Variants in RPGRIP1L observed in about 807,000 individuals in gnomAD.
The protein encoded by RPGRIP1L is protein fantom.
RPGRIP1L carries 131 observed loss-of-function variants against 160.4 expected under a neutral mutation model. That is an observed-to-expected ratio of 0.82 (90% CI 0.71 to 0.94). The LOEUF is 0.94. RPGRIP1L is among the 40% of genes least tolerant of loss of function. The pLI is 0.00. For missense variants in RPGRIP1L, 1,522 were observed against 1,535.8 expected (o/e 0.99, Z 0.15); for synonymous variants, 510 against 515.8 (o/e 0.99, Z 0.15).
intron 14 of RPGRIP1L, 146 bp from the exon 15 acceptor site, chr16:53,653,133 C>G: frequency 3.5e-6 from 3 of 866,692 alleles, no homozygotes; most frequent in Non-Finnish European, 5.2e-6. Context: ...GTAAATAATA[C>G]TTTATCGTAC....
Position 53,619,178 on chromosome 16 carries a change from C to A in RPGRIP1L, c.3463G>T (p.Ala1155Ser), listed in dbSNP as rs1431057757. Residue 1155 changes from alanine to serine, a missense_variant, in exon 24 of 27, where the codon GCT becomes TCT. By Grantham distance (99) the Ala-to-Ser change is moderately conservative. Coordinates refer to ENST00000647211, the MANE Select transcript of RPGRIP1L (RefSeq NM_015272.5). ...PSEKIRIEII[A>S]LSLNDSQVTM... ...ACTTGAGAATCATTAAGGCTTAGAG[C>A]TATGATCTCAATCCGAATTTTTTCT... The A allele has an allele frequency of 6.2e-7, 1 of 1,613,506 alleles. No homozygotes were observed. Among genetic ancestry groups the A allele is most frequent in the Non-Finnish European group, 8.5e-7 (1 of 1,180,018 alleles).
At chr16:53,667,039 A>C (rs1338231670) in intron 9 of RPGRIP1L, among the ~76,000 whole-genome samples, 3 of 152,180 alleles carry the variant, frequency 2.0e-5, no homozygotes, top group African/African-American at 7.2e-5. Flanking sequence ...TTTTCTTTGT[A>C]AGGGCTGTAC....
At chr16:53,637,603 C>T (rs1448633308) in intron 21 of RPGRIP1L, 92 bp downstream of exon 21, 3 of 1,120,346 alleles carry the variant, frequency 2.7e-6, no homozygotes, top group Admixed American at 1.7e-5. Flanking sequence ...TAGACGCTAC[C>T]ATTAAATGAA....
rs1368277915 is a variant in RPGRIP1L, at chr16:53,601,499, T to C, written c.*577A>G. On this transcript the variant is annotated 3_prime_UTR_variant, in exon 27 of 27. Transcript: ENST00000647211. ...TTATATTTAATTGATAGAAACTGCA[T>C]GCATCAAAGAAAATGCATACTGAGC... 1 of 153,464 alleles carries C rather than the reference T, an allele frequency of 6.5e-6. No homozygotes were observed. The highest frequency in any genetic ancestry group is 1.5e-5 in the Non-Finnish European group (1 of 68,628). 9.5% of individuals were successfully genotyped at this position (153,464 alleles called of 1,614,324 possible).
At position 53,656,568 on chromosome 16, in the gene RPGRIP1L, G is replaced by A. The variant is rs149781516; in HGVS notation, c.1603C>T (p.Arg535Cys). ...DYQMEVEAVTRKMENLQQDYE... is the reference protein window; with the variant it reads ...DYQMEVEAVTCKMENLQQDYE... ...TCTTGCTGCAAATTTTCCATCTTAC[G>A]GGTCACTGCCTCAACCTCCATCTAC... The change falls in exon 14 of 27, where the codon CGT becomes TGT. Residue 535 changes from arginine to cysteine, a missense_variant. Physicochemically the swap from Arg to Cys is radical, Grantham distance 180. Transcript: ENST00000647211. The A allele has an allele frequency of 4.0e-5, 65 of 1,612,806 alleles. No individual in the cohort carries two copies. The highest frequency in any genetic ancestry group is 3.1e-4 in the African/African-American group (23 of 74,908).
chr16:53,656,430 T>C (rs367721346), intron 14 of RPGRIP1L, 42 bp downstream of exon 14: 33 of 1,209,674 alleles, frequency 2.7e-5, no homozygotes, highest in African/African-American at 3.0e-5. Flanking sequence ...ATAAAATCCA[T>C]TCCTCTAGTT....
chr16:53,620,334 C>A (rs1446280398), intron 23 of RPGRIP1L, among the ~76,000 whole-genome samples: 1 of 152,084 alleles, frequency 6.6e-6, no homozygotes, highest in African/African-American at 2.4e-5. Context: ...AGTAATTTTA[C>A]CCCCTTCTTT....
intron 6 of RPGRIP1L, among the ~76,000 whole-genome samples, chr16:53,680,182 A>G (rs28434124): frequency 0.11 from 16,559 of 152,200 alleles, 1,634 homozygotes; most frequent in African/African-American, 0.26. Flanking sequence ...TTAATAATAA[A>G]AACATGAGGA....
At position 53,692,046 on chromosome 16, in the gene RPGRIP1L, T is replaced by C; in HGVS notation, c.529+20A>G. ...ATCTAATAAGACTTCAGTTTAGATT[T>C]AACGTAAGCTTTGTTTTACCTTTCC... On this transcript the variant is annotated intron_variant, in intron 4 of 26. Coordinates refer to ENST00000647211, the MANE Select transcript of RPGRIP1L (RefSeq NM_015272.5). The C allele has an allele frequency of 1.2e-6, 2 of 1,612,150 alleles. No individual in the cohort carries two copies. Among genetic ancestry groups the C allele is most frequent in the Non-Finnish European group, 1.7e-6 (2 of 1,178,170 alleles).
At chr16:53,608,624 T>C (rs1963831794) in intron 25 of RPGRIP1L, among the ~76,000 whole-genome samples, 1 of 152,198 alleles carries the variant, frequency 6.6e-6, no homozygotes, top group Non-Finnish European at 1.5e-5. Flanking sequence ...TATTATACAA[T>C]GTCTATAACT....
rs777685428 is a variant in RPGRIP1L, at chr16:53,637,788, C to T, written c.3127G>A (p.Asp1043Asn). Residue 1043 changes from aspartate to asparagine, a missense_variant, in exon 21 of 27, where the codon GAT (aspartate) becomes AAT (asparagine). Physicochemically the swap from Asp to Asn is conservative, Grantham distance 23. Transcript: ENST00000647211. ...NTEKMQQGKD[D>N]VSLLSEGQLA... is the part of the protein sequence containing the mutation. ...TGACCTTCAGATAGTAAAGACACAT[C>T]ATCTTTTCCTTGCTGCATTTTCTCA... The T allele has an allele frequency of 6.2e-7, 1 of 1,613,258 alleles. No individual in the cohort carries two copies. Among genetic ancestry groups the T allele is most frequent in the South Asian group, 1.1e-5 (1 of 91,076 alleles).
Position 53,605,517 on chromosome 16 carries a change from G to C in RPGRIP1L, c.3799C>G (p.Gln1267Glu), listed in dbSNP as rs762601928. 5 of 1,614,110 alleles carry C rather than the reference G, an allele frequency of 3.1e-6. No homozygotes were observed. The highest frequency in any genetic ancestry group is 4.2e-6 in the Non-Finnish European group (5 of 1,180,016). ...TGCTCAATGAGGTCCCTCCCTTCCT[G>C]AAACATGTCGGCAAGGTCGACGTGA... ...VAHVDLADMF[Q>E]EGRDLIEQNI... Residue 1267 changes from glutamine (Q) to glutamate (E), a missense_variant, in exon 26 of 27, where the codon CAG (glutamine) becomes GAG (glutamate). By Grantham distance (29) the Gln-to-Glu change is conservative (BLOSUM62 2). Coordinates refer to ENST00000647211, the MANE Select transcript of RPGRIP1L (RefSeq NM_015272.5).
At chr16:53,643,936 C>T (rs560735988) in intron 17 of RPGRIP1L, among the ~76,000 whole-genome samples, 1 of 152,252 alleles carries the variant, frequency 6.6e-6, no homozygotes, top group South Asian at 2.1e-4. Context: ...GATCTCAAAG[C>T]AGCTATTATC....
At chr16:53,665,559 CA>C (rs1345425645) in intron 9 of RPGRIP1L, among the ~76,000 whole-genome samples, 1 of 151,826 alleles carries the variant, frequency 6.6e-6, no homozygotes, top group Non-Finnish European at 1.5e-5. Context: ...TGTTAAAAAA[CA>C]AAAAACAATA....
At chr16:53,668,910 C>A (rs1242149153) in intron 9 of RPGRIP1L, among the ~76,000 whole-genome samples, 1 of 152,058 alleles carries the variant, frequency 6.6e-6, no homozygotes, top group Non-Finnish European at 1.5e-5. Flanking sequence ...TTTATCTTCC[C>A]ACATGATTCT....
chr16:53,647,294 A>C (rs1325379521), intron 16 of RPGRIP1L, among the ~76,000 whole-genome samples: 1 of 152,154 alleles, frequency 6.6e-6, no homozygotes, highest in African/African-American at 2.4e-5. Flanking sequence ...AACAACAAAA[A>C]AGGGACTTTA....
intron 13 of RPGRIP1L, among the ~76,000 whole-genome samples, chr16:53,656,847 G>C (rs1967298099): frequency 6.6e-6 from 1 of 152,146 alleles, no homozygotes; most frequent in African/African-American, 2.4e-5. Context: ...TACAGTTATG[G>C]CATGACTTCA....
At chr16:53,611,742 C>T (rs1964052889) in intron 24 of RPGRIP1L, among the ~76,000 whole-genome samples, 2 of 152,240 alleles carry the variant, frequency 1.3e-5, no homozygotes, top group Admixed American at 1.3e-4. Context: ...TGTAAGTAAG[C>T]ATCTGCACTT....
chr16:53,637,119 C>T (rs1018653003), intron 21 of RPGRIP1L, among the ~76,000 whole-genome samples: 2 of 152,118 alleles, frequency 1.3e-5, no homozygotes, highest in Non-Finnish European at 2.9e-5. Context: ...TTCTCAGCCT[C>T]CCAAGTAGCT....
Sources: allele counts gnomAD v4.1 joint callset (sites outside exome capture counted in the v4.1 genomes callset), GRCh38; gene constraint gnomAD v4.1.1; transcripts MANE v1.5; gene names NCBI Gene and HGNC (gene_info 2026-07-23, HGNC 2026-07-21).